The following FAM13B variants were observed in gnomAD, a reference collection of about 807,000 sequenced individuals.
FAM13B encodes protein FAM13B.
A neutral mutation model predicts 117.3 loss-of-function variants in FAM13B; 60 were observed. The observed-to-expected ratio is 0.51, with a 90% confidence interval of 0.42 to 0.63. FAM13B has a LOEUF of 0.63. Ranked by LOEUF, FAM13B falls within the 30% of genes least tolerant of loss-of-function variation. The pLI, the probability that FAM13B is intolerant of heterozygous loss-of-function variation, is 0.00. For missense variants in FAM13B, 972 were observed against 1,091.9 expected (o/e 0.89, Z 1.55); for synonymous variants, 332 against 356.1 (o/e 0.93, Z 0.76).
intron 4 of FAM13B, among the ~76,000 whole-genome samples, chr5:138,012,557 T>C (rs1402720143): frequency 2.0e-5 from 3 of 152,226 alleles, no homozygotes; most frequent in Admixed American, 1.3e-4. Flanking sequence ...TTCATGTTGG[T>C]TTCTGCTTAT....
rs571467062 is a variant in FAM13B at position 138,014,031 on chromosome 5, G to A, written c.371-2086C>T. 1.4e-4 allele frequency among the ~76,000 whole-genome samples: 22 copies of A among 152,204 alleles called. No individual in the cohort carries two copies. In the East Asian group the frequency reaches 4.3e-3, roughly 29 times the overall value. On this transcript the variant is annotated intron_variant, in intron 4 of 23. Transcript: ENST00000689681. ...GGCCCACCACAGCCTCAACCTCCCA[G>A]GCCCAAGCGATCCTCCCACGTCAAC...
At chr5:137,990,424 A>G (rs1463277100) in intron 7 of FAM13B, among the ~76,000 whole-genome samples, 3 of 152,194 alleles carry the variant, frequency 2.0e-5, no homozygotes, top group Non-Finnish European at 4.4e-5. Flanking sequence ...TTACTTCATC[A>G]GTCTGTTACT....
chr5:137,940,975 AGCTC>A, intron 23 of FAM13B, among the ~76,000 whole-genome samples: 1 of 152,084 alleles, frequency 6.6e-6, no homozygotes, highest in Non-Finnish European at 1.5e-5. Context: ...GCGACATCTC[AGCTC>A]GCTGCAAGCT....
rs571380068 is a variant in FAM13B at position 138,001,185 on chromosome 5, T to C, written c.848+5805A>G. 2.6e-5 allele frequency among the ~76,000 whole-genome samples: 4 copies of C among 152,318 alleles called. No individual in the cohort carries two copies. The South Asian group carries it at 8.3e-4, about 32-fold the overall frequency. On this transcript the variant is annotated intron_variant, in intron 7 of 23. Coordinates refer to ENST00000689681, the MANE Select transcript of FAM13B (RefSeq NM_001385994.1). ...GTTTATTTCTCTTAGGATTCCAACA[T>C]ACTTTCCTAGGCTACTTCTGAAGAG...
At chr5:138,041,386 ATTG>A (rs1307884788) in intron 1 of FAM13B, among the ~76,000 whole-genome samples, 1 of 152,182 alleles carries the variant, frequency 6.6e-6, no homozygotes, top group East Asian at 1.9e-4. Flanking sequence ...AAGGCTTTGT[ATTG>A]TTTAAGAGGA....
At chr5:138,035,376 G>A (rs184194813), upstream of FAM13B, among the ~76,000 whole-genome samples, 2 of 152,020 alleles carry the variant, frequency 1.3e-5, no homozygotes, top group African/African-American at 4.8e-5. Flanking sequence ...ATTGATCAAT[G>A]ACCATTTTCC....
intron 1 of FAM13B, among the ~76,000 whole-genome samples, chr5:138,021,804 TC>T (rs1303494643): frequency 4.6e-5 from 7 of 152,138 alleles, no homozygotes; most frequent in African/African-American, 2.4e-5. Flanking sequence ...AGCCTAGGTT[TC>T]TTTATATAAA....
chr5:137,961,643 T>C (rs916715381), intron 11 of FAM13B, among the ~76,000 whole-genome samples: 1 of 152,214 alleles, frequency 6.6e-6, no homozygotes, highest in African/African-American at 2.4e-5. Context: ...TACAAATATG[T>C]CCTGGCCAAC....
intron 18 of FAM13B, 36 bp from the exon 19 acceptor site, chr5:137,946,347 A>G: frequency 7.1e-7 from 1 of 1,416,598 alleles, no homozygotes; most frequent in Non-Finnish European, 9.7e-7. Flanking sequence ...AAATACAAAA[A>G]AAAAAAAACA....
At chr5:137,992,084 G>T (rs1313184940) in intron 7 of FAM13B, among the ~76,000 whole-genome samples, 1 of 151,910 alleles carries the variant, frequency 6.6e-6, no homozygotes. Context: ...GCTAACTTTT[G>T]TAATTTTTGT....
intron 10 of FAM13B, among the ~76,000 whole-genome samples, chr5:137,980,451 T>C (rs1395168810): frequency 6.7e-6 from 1 of 148,622 alleles, no homozygotes; most frequent in Non-Finnish European, 1.5e-5. Context: ...TTTTTTTTTT[T>C]TTTTTTTTTG....
intron 6 of FAM13B, among the ~76,000 whole-genome samples, chr5:138,008,388 G>C (rs1222861535): frequency 6.6e-6 from 1 of 152,192 alleles, no homozygotes. Flanking sequence ...GCTGCAGAGA[G>C]ACGCGATTGT....
intron 7 of FAM13B, among the ~76,000 whole-genome samples, chr5:137,995,082 G>T (rs1237573900): frequency 6.6e-6 from 1 of 152,146 alleles, no homozygotes; most frequent in African/African-American, 2.4e-5. Context: ...ATCAGGTAAA[G>T]ACTTCATTGA....
chr5:138,035,202 G>A (rs1477445841), upstream of FAM13B, among the ~76,000 whole-genome samples: 3 of 150,834 alleles, frequency 2.0e-5, no homozygotes, highest in African/African-American at 7.3e-5. Flanking sequence ...TTTAGAGATG[G>A]GTTTCCCTAT....
upstream of FAM13B, among the ~76,000 whole-genome samples, chr5:138,035,794 G>A (rs1205324989): frequency 6.6e-6 from 1 of 152,176 alleles, no homozygotes; most frequent in Non-Finnish European, 1.5e-5. Context: ...GGAAGGCAGG[G>A]AGAAAAAGGA....
intron 10 of FAM13B, among the ~76,000 whole-genome samples, chr5:137,969,129 GC>G (rs1255162447): frequency 6.6e-6 from 1 of 152,238 alleles, no homozygotes; most frequent in Non-Finnish European, 1.5e-5. Flanking sequence ...AGGCCTGCCT[GC>G]CTCTGTAGGC....
At chr5:138,014,239 G>A (rs747353506) in intron 4 of FAM13B, among the ~76,000 whole-genome samples, 1 of 152,188 alleles carries the variant, frequency 6.6e-6, no homozygotes, top group East Asian at 1.9e-4. Context: ...GCCCAGCCAT[G>A]AGGGCAGAGA....
In FAM13B at chr5:137,939,918, T is replaced by G; in HGVS notation, c.*307A>C. 7.5e-7 allele frequency: 1 copy of G among 1,330,302 alleles called. No homozygotes were observed. Among genetic ancestry groups the G allele is most frequent in the Non-Finnish European group, 9.6e-7 (1 of 1,039,092 alleles). 82.4% of individuals were successfully genotyped at this position (1,330,302 alleles called of 1,614,324 possible). A position where few individuals can be genotyped will look rare whatever the true frequency, so the allele number is the denominator to read the frequency against. On this transcript the variant is annotated 3_prime_UTR_variant, in exon 24 of 24. Coordinates refer to ENST00000689681, the MANE Select transcript of FAM13B (RefSeq NM_001385994.1). ...GCTTGCATTTCCAAAGTTCTTGAAG[T>G]TGAAAGGATAAAATTCCAGTCTTTT...
At chr5:138,026,307 A>G (rs1177255441) in intron 1 of FAM13B, among the ~76,000 whole-genome samples, 1 of 152,050 alleles carries the variant, frequency 6.6e-6, no homozygotes, top group East Asian at 1.9e-4. Context: ...TTGTATATAA[A>G]CCATACTTCA....
Sources: allele counts gnomAD v4.1 joint callset (sites outside exome capture counted in the v4.1 genomes callset), GRCh38; gene constraint gnomAD v4.1.1; transcripts MANE v1.5; gene names NCBI Gene and HGNC (gene_info 2026-07-23, HGNC 2026-07-21).